Variants in FKBP4 observed in about 807,000 individuals in gnomAD.
FKBP4 encodes the protein FKBP prolyl isomerase 4, also known as peptidyl-prolyl cis-trans isomerase FKBP4.
Under a neutral mutation model 54.1 loss-of-function variants are expected in FKBP4, and 28 were observed. That is an observed-to-expected ratio of 0.52 (90% CI 0.38 to 0.71). FKBP4 has a LOEUF of 0.71. FKBP4 is among the 30% of genes least tolerant of loss of function. The pLI is 0.00. For synonymous variants in FKBP4, 223 were observed against 216.1 expected (o/e 1.03, Z -0.28); for missense variants, 493 against 574.4 (o/e 0.86, Z 1.45).
chr12:2,796,027 A>C (rs2097901628), intron 1 of FKBP4: 1 of 1,164,746 alleles, frequency 8.6e-7, no homozygotes, highest in Non-Finnish European at 1.1e-6. Flanking sequence ...CCGCTCGACT[A>C]CAAATAGCCT....
At position 2,795,743 on chromosome 12, in the gene FKBP4, G is replaced by A. The variant is rs2097901402; in HGVS notation, c.105+499G>A. On this transcript the variant is annotated intron_variant, in intron 1 of 9. Coordinates refer to ENST00000001008, the MANE Select transcript of FKBP4 (RefSeq NM_002014.4). The surrounding 1 kb of genome is among the most constrained non-coding windows in gnomAD (Gnocchi z 4.3). ...GCGGTGGAACACGGGCCAGGACGGGGAGCGACTCCCCACAGTGCTTTCCTG... is the reference window on the plus strand; with the variant it reads ...GCGGTGGAACACGGGCCAGGACGGGAAGCGACTCCCCACAGTGCTTTCCTG... The A allele has an allele frequency of 6.3e-6, 1 of 158,754 alleles. No individual in the cohort carries two copies. Among genetic ancestry groups the A allele is most frequent in the Non-Finnish European group, 1.3e-5 (1 of 74,288 alleles). The allele number at this position is 158,754 out of a possible 1,614,324, so 9.8% of individuals were successfully genotyped here.
In FKBP4 at chr12:2,803,293, GC is replaced by G. The variant is rs768038200; in HGVS notation, c.*41del. 7.6e-6 allele frequency: 11 copies of G among 1,442,062 alleles called. No individual in the cohort carries two copies. Among genetic ancestry groups the G allele is most frequent in the South Asian group, 6.1e-5 (5 of 82,228 alleles). The allele number at this position is 1,442,062 out of a possible 1,614,324, so 89.3% of individuals were successfully genotyped here. ...ACCAGCCCTACTCCTGCGGCTGCCTGCCCCCCAGTCTCCCCACTCCACCCTG... is the reference window on the plus strand; with the variant it reads ...ACCAGCCCTACTCCTGCGGCTGCCTGCCCCCAGTCTCCCCACTCCACCCTG... On this transcript the variant is annotated 3_prime_UTR_variant, in exon 10 of 10. Coordinates refer to ENST00000001008, the MANE Select transcript of FKBP4 (RefSeq NM_002014.4).
chr12:2,801,267 G>C lies in FKBP4; in HGVS notation c.1183G>C (p.Val395Leu). The change falls in exon 9 of 10, where the codon GTG becomes CTG. Residue 395 changes from valine to leucine, a missense_variant. Physicochemically the swap from Val to Leu is conservative, Grantham distance 32. Coordinates refer to ENST00000001008, the MANE Select transcript of FKBP4 (RefSeq NM_002014.4). ...NNKAAKTQLA[V>L]CQQRIRRQLA... Reference sequence around the variant, plus strand: ...CAAAGCCGCCAAGACCCAGCTGGCTGTGTGCCAGCAGCGGATCCGAAGGCA... The same window carrying C: ...CAAAGCCGCCAAGACCCAGCTGGCTCTGTGCCAGCAGCGGATCCGAAGGCA... 6.2e-7 allele frequency: 1 copy of C among 1,613,900 alleles called. No individual in the cohort carries two copies. The highest frequency in any genetic ancestry group is 1.1e-5 in the South Asian group (1 of 91,058).
chr12:2,800,798 G>A (rs975629464), intron 8 of FKBP4, among the ~76,000 whole-genome samples: 1 of 152,224 alleles, frequency 6.6e-6, no homozygotes, highest in Non-Finnish European at 1.5e-5. Context: ...CACGGAATGG[G>A]AAGAATCACA....
chr12:2,796,488 G>T (rs2097901934), intron 1 of FKBP4: 7 of 1,208,188 alleles, frequency 5.8e-6, no homozygotes, highest in Admixed American at 3.3e-5. Flanking sequence ...CTACCAGGTG[G>T]CGCTAAAGAA....
chr12:2,799,822 T>C, intron 5 of FKBP4, 28 bp from the exon 6 acceptor site: 1 of 1,595,602 alleles, frequency 6.3e-7, no homozygotes. Flanking sequence ...GTTGCCAAGA[T>C]GATACATAGT....
rs918866065 is a variant in FKBP4 at position 2,803,539 on chromosome 12, G to C, written c.*281G>C. ...AATGTTAATTTATTTTGCTCCCTCT[G>C]TTAGGTCCATTTTCTAAGGGTAGAA... On this transcript the variant is annotated 3_prime_UTR_variant, in exon 10 of 10. Transcript: ENST00000001008. 3 of 335,612 alleles carry C rather than the reference G, an allele frequency of 8.9e-6. No individual in the cohort carries two copies. The highest frequency in any genetic ancestry group is 1.7e-5 in the Non-Finnish European group (3 of 175,134). 20.8% of individuals were successfully genotyped at this position (335,612 alleles called of 1,614,324 possible).
Position 2,801,255 on chromosome 12 carries a change from A to G in FKBP4, c.1171A>G (p.Thr391Ala). The G allele has an allele frequency of 1.9e-6, 3 of 1,613,638 alleles. No individual in the cohort carries two copies. The highest frequency in any genetic ancestry group is 2.5e-6 in the Non-Finnish European group (3 of 1,180,040). Reference sequence around the variant, plus strand: ...CTACCCCAACAACAAAGCCGCCAAGACCCAGCTGGCTGTGTGCCAGCAGCG... The same window carrying G: ...CTACCCCAACAACAAAGCCGCCAAGGCCCAGCTGGCTGTGTGCCAGCAGCG... ...QLYPNNKAAK[T>A]QLAVCQQRIR... Residue 391 changes from threonine to alanine, a missense_variant, in exon 9 of 10, where the codon ACC becomes GCC. By Grantham distance (58) the Thr-to-Ala change is moderately conservative. Coordinates refer to ENST00000001008, the MANE Select transcript of FKBP4 (RefSeq NM_002014.4).
rs2097901509 is a variant in FKBP4, at chr12:2,795,876, C to T, written c.105+632C>T. The T allele has an allele frequency of 5.6e-6, 5 of 885,244 alleles. No individual in the cohort carries two copies. The South Asian group carries it at 2.5e-4, about 44-fold the overall frequency. The allele number at this position is 885,244 out of a possible 1,614,324, so 54.8% of individuals were successfully genotyped here. A position where few individuals can be genotyped will look rare whatever the true frequency, so the allele number is the denominator to read the frequency against. On this transcript the variant is annotated intron_variant, in intron 1 of 9. Transcript: ENST00000001008. This position sits in a 1 kb window ranked among gnomAD's most constrained non-coding sequence, Gnocchi z 4.3. ...GGTCCCCACTCGCCGCGCGGCGCCC[C>T]CTCCCTCGGCCCCGGGGAGGCCGGG...
In FKBP4 at chr12:2,798,951, T is replaced by C. The variant is rs976774566; in HGVS notation, c.514+125T>C. 1.4e-6 allele frequency: 2 copies of C among 1,404,204 alleles called. No individual in the cohort carries two copies. The highest frequency in any genetic ancestry group is 2.0e-6 in the Non-Finnish European group (2 of 1,018,442). The allele number at this position is 1,404,204 out of a possible 1,614,324, so 87.0% of individuals were successfully genotyped here. A position where few individuals can be genotyped will look rare whatever the true frequency, so the allele number is the denominator to read the frequency against. On this transcript the variant is annotated intron_variant, in intron 4 of 9. Coordinates refer to ENST00000001008, the MANE Select transcript of FKBP4 (RefSeq NM_002014.4). The surrounding 1 kb of genome is among the most constrained non-coding windows in gnomAD (Gnocchi z 4.3). The stretch of plus-strand genomic sequence containing the variant: ...CCATAAAATGAGGGGTTGGACCATA[T>C]TCTCTTCATATCACTCCAGATTTGA...
In FKBP4 at chr12:2,803,195, G is replaced by T. The variant is rs1241602557; in HGVS notation, c.1317G>T (p.Glu439Asp). 1.1e-5 allele frequency: 17 copies of T among 1,606,362 alleles called. No homozygotes were observed. The highest frequency in any genetic ancestry group is 1.3e-5 in the Non-Finnish European group (15 of 1,176,476). ...CAGGAGACCATCCCACTGACACAGA[G>T]ATGAAGGAGGAGCAGAAGAGCAACA... ...ASSGDHPTDT[E>D]MKEEQKSNTA... The change falls in exon 10 of 10, where the codon GAG (glutamate) becomes GAT (aspartate). Residue 439 changes from glutamate (E) to aspartate (D), a missense_variant. Coordinates refer to ENST00000001008, the MANE Select transcript of FKBP4 (RefSeq NM_002014.4).
intron 2 of FKBP4, 61 bp from the exon 3 acceptor site, chr12:2,797,668 A>G: frequency 1.3e-6 from 2 of 1,550,470 alleles, no homozygotes; most frequent in Non-Finnish European, 1.7e-6. Flanking sequence ...CTTCAGGAGC[A>G]CTGTTTGAGC....
rs1299393654 is a variant in FKBP4 at position 2,794,985 on chromosome 12, G to C, written c.-155G>C. On this transcript the variant is annotated 5_prime_UTR_variant, in exon 1 of 10. Coordinates refer to ENST00000001008, the MANE Select transcript of FKBP4 (RefSeq NM_002014.4). ...TCCTGACCCACCTACCCCAGCTCTC[G>C]CGCCGCGTGCAGAGGTGCTCAAGCC... 1.7e-5 allele frequency: 6 copies of C among 344,200 alleles called. No individual in the cohort carries two copies. Among genetic ancestry groups the C allele is most frequent in the East Asian group, 1.3e-4 (3 of 22,324 alleles). 21.3% of individuals were successfully genotyped at this position (344,200 alleles called of 1,614,324 possible).
chr12:2,801,833 T>A (rs1265919865), intron 9 of FKBP4: 2 of 302,556 alleles, frequency 6.6e-6, no homozygotes, highest in East Asian at 1.8e-4. Flanking sequence ...TACCAAAGTA[T>A]ACAGTCAAGT....
At chr12:2,796,336 G>C in intron 1 of FKBP4, 2 of 1,289,148 alleles carry the variant, frequency 1.6e-6, no homozygotes, top group Non-Finnish European at 1.0e-6. Context: ...TCGCTCCAGC[G>C]TCCTGCCGTT....
chr12:2,802,820 A>C (rs1399601765), intron 9 of FKBP4, among the ~76,000 whole-genome samples: 1 of 152,094 alleles, frequency 6.6e-6, no homozygotes, highest in African/African-American at 2.4e-5. Flanking sequence ...CTCTGCCTCC[A>C]GGGCTCAAGT....
chr12:2,800,089 C>T lies in FKBP4; in HGVS notation c.813C>T (p.Thr271=). The T allele has an allele frequency of 1.2e-6, 2 of 1,613,866 alleles. No individual in the cohort carries two copies. Among genetic ancestry groups the T allele is most frequent in the Non-Finnish European group, 1.7e-6 (2 of 1,180,040 alleles). The change falls in exon 7 of 10, where the codon ACC becomes ACT. Residue 271 remains threonine, a synonymous_variant. Transcript: ENST00000001008. The part of the protein sequence containing the change: ...MNSEEKLEQS[T]IVKERGTVYF... The stretch of plus-strand genomic sequence containing the variant: ...CAGAAGAGAAGCTGGAACAGAGCAC[C>T]ATAGTGAAAGAGCGGGGCACTGTGT...
intron 1 of FKBP4, chr12:2,796,081 T>G (rs2097901663): frequency 8.4e-7 from 1 of 1,189,156 alleles, no homozygotes; most frequent in Non-Finnish European, 1.1e-6. Context: ...CAGGACAACC[T>G]GCCTTGGGTC....
intron 2 of FKBP4, 112 bp downstream of exon 2, chr12:2,797,394 G>C: frequency 8.2e-7 from 1 of 1,218,152 alleles, no homozygotes; most frequent in Non-Finnish European, 1.2e-6. Context: ...ATCACAGTCT[G>C]TTAACTCTTT....
Sources: gnomAD v4.1 joint callset for allele counts (sites outside exome capture counted in the v4.1 genomes callset) on GRCh38, gnomAD v4.1.1 for gene constraint, Gnocchi (gnomAD v3.1) non-coding constraint, MANE v1.5 for transcripts, NCBI Gene and HGNC (gene_info 2026-07-23, HGNC 2026-07-21) for gene names.